Variants in NUP210L observed in about 807,000 individuals in gnomAD.
NUP210L encodes nucleoporin 210 like, also known as nuclear pore membrane glycoprotein 210-like.
Under a neutral mutation model 208.5 loss-of-function variants are expected in NUP210L, and 74 were observed. The ratio of observed to expected loss-of-function variants is 0.35; its 90% CI spans 0.29 to 0.43. The LOEUF is 0.43. Ranked by LOEUF, NUP210L falls within the 20% of genes least tolerant of loss-of-function variation. The probability of loss-of-function intolerance (pLI) is 1.00; values close to 1 mark genes in which losing one functional copy is unlikely to be tolerated. For missense variants in NUP210L, 1,843 were observed against 2,289.4 expected, an observed-to-expected ratio of 0.81 and a Z score of 3.98; for synonymous variants, 780 against 816.9, an observed-to-expected ratio of 0.95 and a Z score of 0.77.
exon 29 of NUP210L, chr1:154,027,563 C>T (rs1167981470): frequency 1.9e-6 from 3 of 1,613,650 alleles, no homozygotes; most frequent in Non-Finnish European, 1.7e-6. Context: ...CTCTGGTTGG[C>T]ACTCTGGATA....
At chr1:154,025,619 T>C in exon 30 of NUP210L, 2 of 1,613,994 alleles carry the variant, frequency 1.2e-6, no homozygotes, top group Non-Finnish European at 1.7e-6. Context: ...GTACCTGCAA[T>C]GGAACCAGCT....
At chr1:154,011,774 C>T (rs1357588012) in intron 34 of NUP210L, among the ~76,000 whole-genome samples, 6 of 148,894 alleles carry the variant, frequency 4.0e-5, no homozygotes, top group South Asian at 2.1e-4. Flanking sequence ...CTCTAACCCC[C>T]GCTTCCCGGG....
chr1:154,138,129 T>A, exon 6 of NUP210L: 2 of 1,505,448 alleles, frequency 1.3e-6, no homozygotes, highest in Non-Finnish European at 1.8e-6. Flanking sequence ...TTGAACCATT[T>A]TTGCAACTTG....
intron 12 of NUP210L, chr1:154,104,557 G>C (rs1280936458): frequency 5.3e-6 from 1 of 188,572 alleles, no homozygotes; most frequent in African/African-American, 2.4e-5. Flanking sequence ...GTGGGACTTT[G>C]CATTCCACAA....
chr1:154,027,039 T>C (rs991366868), intron 29 of NUP210L, among the ~76,000 whole-genome samples: 4 of 136,036 alleles, frequency 2.9e-5, no homozygotes, highest in Non-Finnish European at 3.0e-5. Flanking sequence ...GCTGAGATTG[T>C]GCCACTGTGC....
chr1:154,058,500 T>G (rs1653985541), intron 21 of NUP210L, 65 bp downstream of exon 21: 8 of 1,552,680 alleles, frequency 5.2e-6, no homozygotes, highest in Non-Finnish European at 6.1e-6. Context: ...GAGACTATAT[T>G]AAGGAATGCT....
At chr1:154,001,885 G>T in exon 36 of NUP210L, 1 of 1,614,152 alleles carries the variant, frequency 6.2e-7, no homozygotes, top group South Asian at 1.1e-5. Context: ...TACGTTCACT[G>T]ACCAGTGTAG....
intron 33 of NUP210L, among the ~76,000 whole-genome samples, chr1:154,015,437 T>A (rs1029772893): frequency 1.3e-5 from 2 of 151,714 alleles, no homozygotes; most frequent in Admixed American, 6.6e-5. Flanking sequence ...ACACAAAAAA[T>A]TGGCTGGGCA....
Position 154,029,894 on chromosome 1 carries a change from A to AC in NUP210L, c.3855+1dup. On this transcript the variant is annotated splice_donor_variant, in intron 28 of 39. Transcript: ENST00000368559. LOFTEE classifies it high-confidence loss of function. ...AAATAAGATTTAGATTTGGAAGCTT[A>AC]CCAGGATCTGTACTTCATCAGAGAG... is the stretch of plus-strand genomic sequence containing the variant. 6.2e-7 allele frequency: 1 copy of AC among 1,600,630 alleles called. No homozygotes were observed.
chr1:154,149,403 T>C (rs940056285), intron 2 of NUP210L, among the ~76,000 whole-genome samples: 3 of 152,004 alleles, frequency 2.0e-5, no homozygotes, highest in African/African-American at 7.2e-5. Context: ...CTTTTCAATA[T>C]AAGGCCATTG....
chr1:154,054,442 A>C, intron 24 of NUP210L, 35 bp from the exon 25 acceptor site: 1 of 1,595,482 alleles, frequency 6.3e-7, no homozygotes, highest in Non-Finnish European at 8.6e-7. Context: ...TGCCTAGAAC[A>C]TGAGGGAGAA....
chr1:154,136,103 T>C (rs1164878044), intron 6 of NUP210L, 131 bp from the exon 7 acceptor site: 5 of 657,280 alleles, frequency 7.6e-6, no homozygotes, highest in Non-Finnish European at 1.3e-5. Flanking sequence ...CTAATGTTTT[T>C]CCTGCTATGA....
chr1:154,143,621 G>C (rs1210630165), intron 2 of NUP210L, 44 bp from the exon 3 acceptor site: 5 of 1,536,382 alleles, frequency 3.3e-6, no homozygotes, highest in Non-Finnish European at 4.5e-6. Context: ...AATAGGTCAT[G>C]AATCTATTAA....
At chr1:154,058,160 G>A in exon 22 of NUP210L, 3 of 1,614,098 alleles carry the variant, frequency 1.9e-6, no homozygotes, top group Non-Finnish European at 2.5e-6. Flanking sequence ...TTTGGAATGG[G>A]CGTTTGGAAG....
chr1:154,012,145 TAAAAA>T, intron 34 of NUP210L, 94 bp downstream of exon 34: 1 of 1,261,882 alleles, frequency 7.9e-7, no homozygotes, highest in Non-Finnish European at 1.1e-6. Flanking sequence ...AGTTTTGAAA[TAAAAA>T]GAAAATCTGG....
chr1:154,139,093 C>A (rs1265183550), intron 5 of NUP210L, among the ~76,000 whole-genome samples: 5 of 152,084 alleles, frequency 3.3e-5, no homozygotes, highest in Non-Finnish European at 7.3e-5. Flanking sequence ...CATGGTGAAA[C>A]TCTGTTTCTA....
At chr1:154,094,844 A>C (rs1656103847) in intron 15 of NUP210L, 91 bp downstream of exon 15, 1 of 936,362 alleles carries the variant, frequency 1.1e-6, no homozygotes, top group East Asian at 2.6e-5. Flanking sequence ...CCATAAACTA[A>C]ATTCAGCAGA....
chr1:154,113,259 T>C (rs893548056), intron 12 of NUP210L, among the ~76,000 whole-genome samples: 11 of 147,420 alleles, frequency 7.5e-5, no homozygotes, highest in Non-Finnish European at 1.3e-4. Flanking sequence ...TATAAATACA[T>C]TATATATATA....
intron 34 of NUP210L, among the ~76,000 whole-genome samples, chr1:154,011,006 A>G (rs1039481367): frequency 1.6e-4 from 24 of 152,176 alleles, no homozygotes; most frequent in African/African-American, 5.5e-4. Flanking sequence ...CCAAATCCCT[A>G]GAACTTCATC....
Sources: allele counts gnomAD v4.1 joint callset (sites outside exome capture counted in the v4.1 genomes callset), GRCh38; gene constraint gnomAD v4.1.1; transcripts MANE v1.5; gene names NCBI Gene and HGNC (gene_info 2026-07-23, HGNC 2026-07-21).